Variants in JPH3 observed in about 807,000 individuals in gnomAD.
The protein encoded by JPH3 is junctophilin-3.
In JPH3, 11 loss-of-function variants were observed where a neutral mutation model predicts 59.6. That is an observed-to-expected ratio of 0.18 (90% confidence interval 0.12 to 0.31). The LOEUF (loss-of-function observed/expected upper bound fraction) is 0.31, where lower values mean the gene tolerates loss of function less well. Ranked by LOEUF, JPH3 falls within the 10% of genes least tolerant of loss-of-function variation. The pLI is 1.00. For missense variants in JPH3, 1,202 were observed against 1,105.7 expected (o/e 1.09, Z -1.24); for synonymous variants, 673 against 483.6 (o/e 1.39, Z -5.14).
At chr16:87,642,992 C>G (rs959153497) in intron 1 of JPH3, among the ~76,000 whole-genome samples, 1 of 152,170 alleles carries the variant, frequency 6.6e-6, no homozygotes, top group Non-Finnish European at 1.5e-5. Context: ...TCACTGTTTA[C>G]CTCCAAGGCT....
chr16:87,664,469 A>G (rs1372443775), intron 2 of JPH3, among the ~76,000 whole-genome samples: 2 of 140,590 alleles, frequency 1.4e-5, no homozygotes, highest in Non-Finnish European at 3.1e-5. Flanking sequence ...TACTAAAGAT[A>G]CAAAAATTAG....
At chr16:87,629,073 G>T (rs1022406281) in intron 1 of JPH3, among the ~76,000 whole-genome samples, 1 of 152,018 alleles carries the variant, frequency 6.6e-6, no homozygotes, top group Non-Finnish European at 1.5e-5. Context: ...GCTGTGGGGG[G>T]GGCCCAGGTC....
intron 1 of JPH3, among the ~76,000 whole-genome samples, chr16:87,607,187 CT>C (rs1433996417): frequency 1.3e-5 from 2 of 152,260 alleles, no homozygotes; most frequent in Non-Finnish European, 2.9e-5. Flanking sequence ...CCCAGGACCC[CT>C]GGCCCCCTGA....
chr16:87,668,498 C>T (rs1229439975), intron 2 of JPH3, among the ~76,000 whole-genome samples: 3 of 152,274 alleles, frequency 2.0e-5, no homozygotes, highest in Non-Finnish European at 2.9e-5. Context: ...CTCGGCATGG[C>T]GTGGCCCGTC....
At chr16:87,608,287 T>A (rs148495056) in intron 1 of JPH3, among the ~76,000 whole-genome samples, 1 of 152,346 alleles carries the variant, frequency 6.6e-6, no homozygotes, top group African/African-American at 2.4e-5. Flanking sequence ...TCCCCAAGCC[T>A]CCACAACTCT....
At chr16:87,639,526 A>G (rs1046120355) in intron 1 of JPH3, among the ~76,000 whole-genome samples, 2 of 152,068 alleles carry the variant, frequency 1.3e-5, no homozygotes, top group South Asian at 2.1e-4. Context: ...AACCGTCACC[A>G]GAACTTTTCC....
intron 1 of JPH3, among the ~76,000 whole-genome samples, chr16:87,617,857 G>A (rs1158462867): frequency 6.6e-6 from 1 of 152,142 alleles, no homozygotes; most frequent in African/African-American, 2.4e-5. Context: ...CACTCCCGGT[G>A]GCATTGAATA....
intron 2 of JPH3, among the ~76,000 whole-genome samples, chr16:87,672,862 G>C (rs943796322): frequency 1.3e-5 from 2 of 152,204 alleles, no homozygotes; most frequent in Non-Finnish European, 2.9e-5. Context: ...AAGTTTAAAT[G>C]TAGGCCAGGC....
intron 1 of JPH3, chr16:87,604,874 G>T (rs1248427473): frequency 5.0e-6 from 2 of 403,126 alleles, no homozygotes; most frequent in Non-Finnish European, 5.0e-6. Context: ...GGCCTTTTCT[G>T]TGCCGTTGTT....
chr16:87,603,446 C>T lies in JPH3; in HGVS notation c.300C>T (p.Cys100=), dbSNP rs1465102154. ...AGGGGCGCTACGGGGTGCGGGAGTG[C>T]GCGGGCAACGGGGCCAAATACGAAG... ...GFKGRYGVRE[C]AGNGAKYEGT... is the part of the protein sequence containing the mutation. Residue 100 remains cysteine (C), a synonymous_variant, in exon 1 of 5, where the codon TGC becomes TGT. Coordinates refer to ENST00000284262, the MANE Select transcript of JPH3 (RefSeq NM_020655.4). 4.5e-6 allele frequency: 7 copies of T among 1,566,940 alleles called. No individual in the cohort carries two copies. The highest frequency in any genetic ancestry group is 6.1e-6 in the Non-Finnish European group (7 of 1,156,582).
intron 1 of JPH3, among the ~76,000 whole-genome samples, chr16:87,634,082 C>G (rs142273135): frequency 1.3e-5 from 2 of 152,206 alleles, no homozygotes; most frequent in African/African-American, 2.4e-5. Flanking sequence ...CAGCCGGGGA[C>G]AAAGTGGGTG....
intron 1 of JPH3, among the ~76,000 whole-genome samples, chr16:87,627,297 C>A (rs1048029067): frequency 2.6e-5 from 4 of 152,212 alleles, no homozygotes; most frequent in Non-Finnish European, 5.9e-5. Flanking sequence ...TGCTGCAGAG[C>A]CTGCATTTCA....
chr16:87,696,201 A>G (rs2033842992), intron 4 of JPH3: 3 of 445,372 alleles, frequency 6.7e-6, no homozygotes. Context: ...CCAGTTCCAC[A>G]GGGCAGGAGA....
intron 2 of JPH3, among the ~76,000 whole-genome samples, chr16:87,661,707 C>T (rs767841477): frequency 1.3e-5 from 2 of 152,252 alleles, no homozygotes; most frequent in African/African-American, 2.4e-5. Context: ...CGTCCAAGAG[C>T]AGGGTCAGCA....
chr16:87,630,551 G>A (rs1597246769), intron 1 of JPH3, among the ~76,000 whole-genome samples: 1 of 152,198 alleles, frequency 6.6e-6, no homozygotes, highest in Non-Finnish European at 1.5e-5. Context: ...TCTGTGGCTG[G>A]AAAAATGAGG....
At chr16:87,638,108 T>C (rs1567592696) in intron 1 of JPH3, among the ~76,000 whole-genome samples, 1 of 152,072 alleles carries the variant, frequency 6.6e-6, no homozygotes, top group Non-Finnish European at 1.5e-5. Flanking sequence ...TTAGTGAAGA[T>C]GAGGTTTCAC....
At chr16:87,683,695 C>T (rs1047245242) in intron 2 of JPH3, among the ~76,000 whole-genome samples, 1 of 152,114 alleles carries the variant, frequency 6.6e-6, no homozygotes, top group African/African-American at 2.4e-5. Flanking sequence ...CAACCTCCAC[C>T]TCCCAGATTC....
chr16:87,665,050 G>C (rs960999526), intron 2 of JPH3, among the ~76,000 whole-genome samples: 1 of 152,210 alleles, frequency 6.6e-6, no homozygotes, highest in Non-Finnish European at 1.5e-5. Flanking sequence ...CTCCTTGAAC[G>C]GATAAACAGG....
At chr16:87,649,848 C>T (rs559476558) in intron 2 of JPH3, among the ~76,000 whole-genome samples, 167 of 152,262 alleles carry the variant, frequency 1.1e-3, no homozygotes, top group South Asian at 1.7e-3. Flanking sequence ...ACGGGGTGGC[C>T]CATGTGAAAG....
Sources: allele counts gnomAD v4.1 joint callset (sites outside exome capture counted in the v4.1 genomes callset), GRCh38; gene constraint gnomAD v4.1.1; transcripts MANE v1.5; gene names NCBI Gene and HGNC (gene_info 2026-07-23, HGNC 2026-07-21).